Variants in LAMC3 observed in about 807,000 individuals in gnomAD.
LAMC3 encodes the protein laminin subunit gamma-3.
LAMC3 carries 128 observed loss-of-function variants against 173.8 expected under a neutral mutation model. The observed-to-expected ratio is 0.74, with a 90% confidence interval of 0.64 to 0.85. The LOEUF (loss-of-function observed/expected upper bound fraction) is 0.85, where lower values mean the gene tolerates loss of function less well. Ranked by LOEUF, LAMC3 falls within the 40% of genes least tolerant of loss-of-function variation. The pLI, the probability that LAMC3 is intolerant of heterozygous loss-of-function variation, is 0.00. For synonymous variants in LAMC3, 897 were observed against 909.1 expected, an observed-to-expected ratio of 0.99 and a Z score of 0.24; for missense variants, 2,022 against 2,156.0, an observed-to-expected ratio of 0.94 and a Z score of 1.23.
intron 27 of LAMC3, among the ~76,000 whole-genome samples, chr9:131,090,283 C>G (rs371892506): frequency 1.3e-5 from 2 of 152,356 alleles, no homozygotes; most frequent in African/African-American, 4.8e-5. Flanking sequence ...ATTCACTTGT[C>G]ACACTCTGTG....
chr9:131,024,974 A>G (rs1189244732), intron 1 of LAMC3, among the ~76,000 whole-genome samples: 1 of 152,038 alleles, frequency 6.6e-6, no homozygotes, highest in East Asian at 1.9e-4. Flanking sequence ...GGGTACCTGG[A>G]TGGAGTCCTA....
chr9:131,026,388 C>T lies in LAMC3; in HGVS notation c.477C>T (p.Pro159=). Residue 159 remains proline (P), a synonymous_variant, in exon 2 of 28, where the codon CCC becomes CCT. Transcript: ENST00000361069. This position sits in a 1 kb window ranked among gnomAD's most constrained non-coding sequence, Gnocchi z 4.8. ...KRSRADGPWE[P]YQFYSASCQK... ...GCCGCGCCGACGGCCCATGGGAGCC[C>T]TACCAGTTCTACAGCGCCTCCTGCC... The T allele has an allele frequency of 6.2e-7, 1 of 1,614,126 alleles. No homozygotes were observed. The highest frequency in any genetic ancestry group is 8.5e-7 in the Non-Finnish European group (1 of 1,180,046).
rs1174292819 is a variant in LAMC3, at chr9:131,069,685, C to A, written c.2904C>A (p.Ser968=). The A allele has an allele frequency of 6.3e-7, 1 of 1,583,816 alleles. No homozygotes were observed. The highest frequency in any genetic ancestry group is 1.7e-5 in the Admixed American group (1 of 57,774). Reference sequence around the variant, plus strand: ...TGGCCCCTCTAGCCTGCAGGTGCTCCCCACTGGGCGCTGCCTCGGCCCAGT... The same window carrying A: ...TGGCCCCTCTAGCCTGCAGGTGCTCACCACTGGGCGCTGCCTCGGCCCAGT... ...SIKGCRACRC[S]PLGAASAQCH... is the part of the protein sequence containing the mutation. The change falls in exon 17 of 28, where the codon TCC becomes TCA. Residue 968 remains serine (S), a synonymous_variant. Transcript: ENST00000361069.
intron 18 of LAMC3, 126 bp downstream of exon 18, chr9:131,071,751 C>T (rs368430456): frequency 3.4e-5 from 30 of 879,634 alleles, no homozygotes; most frequent in East Asian, 2.2e-4. Context: ...CCTTTACTTC[C>T]CTAGCCCACC....
chr9:131,079,396 C>A, intron 23 of LAMC3, 98 bp downstream of exon 23: 1 of 1,449,006 alleles, frequency 6.9e-7, no homozygotes. Flanking sequence ...AGGGCAGAGA[C>A]AGAAGTAGCT....
At chr9:131,011,964 G>T (rs1833420639) in intron 1 of LAMC3, among the ~76,000 whole-genome samples, 1 of 151,992 alleles carries the variant, frequency 6.6e-6, no homozygotes, top group Non-Finnish European at 1.5e-5. Flanking sequence ...GTGGAACTCT[G>T]CCTAGAACCT....
intron 13 of LAMC3, among the ~76,000 whole-genome samples, chr9:131,061,707 G>T (rs1387338747): frequency 6.6e-6 from 1 of 152,076 alleles, no homozygotes; most frequent in Non-Finnish European, 1.5e-5. Flanking sequence ...TTTTTAAAAA[G>T]CAGCTTTATT....
At chr9:131,048,942 C>A in intron 8 of LAMC3, 78 bp from the exon 9 acceptor site, 1 of 833,148 alleles carries the variant, frequency 1.2e-6, no homozygotes, top group Non-Finnish European at 1.9e-6. Context: ...ACCCCAGGGC[C>A]CCCACCTGGG....
At chr9:131,012,749 C>G (rs1833444600) in intron 1 of LAMC3, among the ~76,000 whole-genome samples, 1 of 152,214 alleles carries the variant, frequency 6.6e-6, no homozygotes, top group Non-Finnish European at 1.5e-5. Flanking sequence ...TGGCTCTGTC[C>G]CCCCACTGCT....
At chr9:131,030,143 T>C (rs550954153) in intron 2 of LAMC3, among the ~76,000 whole-genome samples, 1 of 152,264 alleles carries the variant, frequency 6.6e-6, no homozygotes, top group East Asian at 1.9e-4. Context: ...TTTTGCCATG[T>C]TGTCCAGGCT....
chr9:131,048,935 C>A, intron 8 of LAMC3, 85 bp from the exon 9 acceptor site: 1 of 770,618 alleles, frequency 1.3e-6, no homozygotes, highest in Non-Finnish European at 2.1e-6. Context: ...CCCTCCTACC[C>A]CAGGGCCCCC....
intron 9 of LAMC3, among the ~76,000 whole-genome samples, chr9:131,050,260 C>G (rs113372676): frequency 1.8e-4 from 27 of 152,360 alleles, no homozygotes; most frequent in African/African-American, 6.3e-4. Context: ...CCGGCCCGCT[C>G]CCGGGGCACC....
intron 11 of LAMC3, 101 bp downstream of exon 11, chr9:131,053,066 G>T: frequency 2.2e-6 from 2 of 897,662 alleles, no homozygotes; most frequent in African/African-American, 1.6e-5. Flanking sequence ...CTTGCGGCCG[G>T]GTGGTTATTG....
intron 6 of LAMC3, 28 bp from the exon 7 acceptor site, chr9:131,041,608 AT>A: frequency 6.2e-7 from 1 of 1,605,672 alleles, no homozygotes. Flanking sequence ...CTCATTGCAC[AT>A]TTTCCTCTTG....
At chr9:131,034,373 G>T (rs1248160202) in intron 3 of LAMC3, among the ~76,000 whole-genome samples, 1 of 152,250 alleles carries the variant, frequency 6.6e-6, no homozygotes, top group Admixed American at 6.5e-5. Context: ...CCTAAACTGG[G>T]CCTTGCGTGG....
In LAMC3 at chr9:131,071,571, C is replaced by T. The variant is rs776924650; in HGVS notation, c.3157C>T (p.Leu1053=). ...CGSPWGPLDI[L]LGEAPRGDVY... is the part of the protein sequence containing the mutation. ...CAGTCCCTGGGGACCACTAGACATTCTGCTGGGAGAGGCCCCAAGGGGGGA... is the reference window on the plus strand; with the variant it reads ...CAGTCCCTGGGGACCACTAGACATTTTGCTGGGAGAGGCCCCAAGGGGGGA... Residue 1053 remains leucine, a synonymous_variant, in exon 18 of 28, where the codon CTG becomes TTG. Coordinates refer to ENST00000361069, the MANE Select transcript of LAMC3 (RefSeq NM_006059.4). The T allele has an allele frequency of 7.4e-6, 12 of 1,611,062 alleles. No individual in the cohort carries two copies. Among genetic ancestry groups the T allele is most frequent in the South Asian group, 1.1e-5 (1 of 90,692 alleles).
intron 13 of LAMC3, among the ~76,000 whole-genome samples, chr9:131,062,517 G>A (rs778835356): frequency 1.3e-5 from 2 of 152,128 alleles, no homozygotes; most frequent in Admixed American, 1.3e-4. Flanking sequence ...CTGTGCAGCT[G>A]TCACTCATCC....
chr9:131,046,304 G>A (rs558839730), intron 8 of LAMC3, among the ~76,000 whole-genome samples: 2 of 144,634 alleles, frequency 1.4e-5, no homozygotes, highest in Non-Finnish European at 3.0e-5. Flanking sequence ...CTGGGCTCAC[G>A]TGATCCTCCC....
chr9:131,025,332 A>T (rs1291778686), intron 1 of LAMC3, among the ~76,000 whole-genome samples: 2 of 152,028 alleles, frequency 1.3e-5, no homozygotes, highest in East Asian at 3.9e-4. Flanking sequence ...TACCACAGCC[A>T]TCCTCCCTAC....
Sources: allele counts gnomAD v4.1 joint callset (sites outside exome capture counted in the v4.1 genomes callset), GRCh38; gene constraint gnomAD v4.1.1; non-coding constraint Gnocchi (gnomAD v3.1); transcripts MANE v1.5; gene names NCBI Gene and HGNC (gene_info 2026-07-23, HGNC 2026-07-21).